GPHN: variants seen among roughly 807,000 people sequenced by gnomAD.
The protein encoded by GPHN is gephyrin.
A neutral mutation model predicts 95.5 loss-of-function variants in GPHN; 17 were observed. That is an observed-to-expected ratio of 0.18 (90% CI 0.12 to 0.27). The LOEUF (loss-of-function observed/expected upper bound fraction) is 0.27. GPHN is among the 10% of genes least tolerant of loss of function. The pLI is 1.00. For missense variants in GPHN, 660 were observed against 978.1 expected, an observed-to-expected ratio of 0.67 and a Z score of 4.34; for synonymous variants, 320 against 322.5, an observed-to-expected ratio of 0.99 and a Z score of 0.08.
At chr14:67,198,427 G>A in the GPHN span, 5 of 1,030,948 alleles carry the variant, frequency 4.8e-6, no homozygotes, top group Admixed American at 6.7e-5. Context: ...CCGAGGGAAT[G>A]TGTGATACTA....
At chr14:67,559,496 C>A in the GPHN span, 1 of 680,974 alleles carries the variant, frequency 1.5e-6, no homozygotes, top group Non-Finnish European at 2.7e-6. Context: ...TGCTCACTGG[C>A]TTTGCGAGGT....
At chr14:67,619,161 T>A in the GPHN span, among the ~76,000 whole-genome samples, 1 of 152,176 alleles carries the variant, frequency 6.6e-6, no homozygotes, top group Non-Finnish European at 1.5e-5. Context: ...AATGCTGAGA[T>A]TATTAAATTA....
intron 8 of GPHN, among the ~76,000 whole-genome samples, chr14:66,955,745 C>G (rs988135598): frequency 2.0e-5 from 3 of 152,108 alleles, no homozygotes; most frequent in African/African-American, 7.2e-5. Flanking sequence ...TGATGTTCCC[C>G]TTCCTGTGTC....
At chr14:67,204,371 C>G in the GPHN span, 5 of 590,120 alleles carry the variant, frequency 8.5e-6, no homozygotes, top group African/African-American at 1.0e-4. Context: ...CACAGGAAGT[C>G]GAGGCTGCAG....
At chr14:67,523,570 T>G in the GPHN span, among the ~76,000 whole-genome samples, 3 of 152,224 alleles carry the variant, frequency 2.0e-5, no homozygotes, top group African/African-American at 7.2e-5. Context: ...GGCTTTAGAT[T>G]CTACACCTCC....
chr14:67,480,923 A>G, the GPHN span, among the ~76,000 whole-genome samples: 1 of 152,164 alleles, frequency 6.6e-6, no homozygotes, highest in Non-Finnish European at 1.5e-5. Flanking sequence ...TCAGATCCCA[A>G]AACCCTTGGA....
intron 16 of GPHN, among the ~76,000 whole-genome samples, chr14:67,119,977 A>G (rs1289785775): frequency 6.6e-6 from 1 of 152,034 alleles, no homozygotes; most frequent in Non-Finnish European, 1.5e-5. Flanking sequence ...TAAAAATGCA[A>G]ACATTAGCCA....
chr14:66,778,281 C>T lies in GPHN; in HGVS notation c.201+1760C>T, dbSNP rs191740182. ...CCAACTTACAAGGGACATGAAGGACCTCTTCAAGGAGAACTACAAACCACT... is the reference window on the plus strand; with the variant it reads ...CCAACTTACAAGGGACATGAAGGACTTCTTCAAGGAGAACTACAAACCACT... On this transcript the variant is annotated intron_variant, in intron 3 of 22. Transcript: ENST00000478722. Among the ~76,000 whole-genome samples, 751 of 152,286 alleles carry T rather than the reference C, an allele frequency of 4.9e-3. 11 individuals carry two copies. The highest frequency in any genetic ancestry group is 0.018 in the African/African-American group (732 of 41,544).
chr14:66,570,347 C>G (rs1352413707), intron 1 of GPHN, among the ~76,000 whole-genome samples: 1 of 147,324 alleles, frequency 6.8e-6, no homozygotes, highest in Non-Finnish European at 1.5e-5. Context: ...TCTTTTTGCC[C>G]AGGCTTGAGT....
chr14:66,666,181 C>G (rs2065943326), intron 1 of GPHN, among the ~76,000 whole-genome samples: 1 of 151,904 alleles, frequency 6.6e-6, no homozygotes. Flanking sequence ...AGCACAGCAA[C>G]ATGGCACACG....
At chr14:67,326,406 C>T in the GPHN span, among the ~76,000 whole-genome samples, 5 of 151,578 alleles carry the variant, frequency 3.3e-5, no homozygotes, top group Non-Finnish European at 7.4e-5. Flanking sequence ...GGAAGTTGAT[C>T]AGTACCAAAA....
chr14:66,541,058 G>C (rs952535275), intron 1 of GPHN, among the ~76,000 whole-genome samples: 55 of 151,478 alleles, frequency 3.6e-4, no homozygotes, highest in African/African-American at 1.2e-3. Context: ...AGTGATTCTC[G>C]TGCCTCAGCC....
intron 20 of GPHN, 79 bp from the exon 21 acceptor site, chr14:67,168,854 C>A: frequency 1.1e-6 from 1 of 947,688 alleles, no homozygotes. Context: ...CATTCTGATA[C>A]CCAAAGATAT....
chr14:67,341,042 C>T, the GPHN span, among the ~76,000 whole-genome samples: 1 of 152,154 alleles, frequency 6.6e-6, no homozygotes, highest in South Asian at 2.1e-4. Context: ...ACCTCCCAGC[C>T]GCCTGCCTTG....
At chr14:67,421,993 C>T in the GPHN span, among the ~76,000 whole-genome samples, 1 of 152,114 alleles carries the variant, frequency 6.6e-6, no homozygotes, top group Non-Finnish European at 1.5e-5. Flanking sequence ...ATGAATGTTG[C>T]AATGTTTTGA....
the GPHN span, chr14:67,590,182 A>G: frequency 1.3e-6 from 2 of 1,547,922 alleles, no homozygotes; most frequent in Non-Finnish European, 1.7e-6. Flanking sequence ...TCTGAATTCC[A>G]AAGGGGAGAA....
the GPHN span, chr14:67,619,849 G>A: frequency 4.8e-6 from 3 of 628,730 alleles, no homozygotes; most frequent in Non-Finnish European, 7.9e-6. Context: ...CGGGGCCAAT[G>A]TGGCGGTGAC....
chr14:67,203,286 C>G, the GPHN span: 1 of 1,583,514 alleles, frequency 6.3e-7, no homozygotes, highest in Non-Finnish European at 8.6e-7. Flanking sequence ...GAAACTAGTG[C>G]TCACCAGGTG....
the GPHN span, chr14:67,619,981 T>C: frequency 6.3e-7 from 1 of 1,594,624 alleles, no homozygotes; most frequent in Middle Eastern, 1.7e-4. Flanking sequence ...GCGGATCATG[T>C]CCCTAAGGGG....
Sources: gnomAD v4.1 joint callset for allele counts (sites outside exome capture counted in the v4.1 genomes callset) on GRCh38, gnomAD v4.1.1 for gene constraint, MANE v1.5 for transcripts, NCBI Gene and HGNC (gene_info 2026-07-23, HGNC 2026-07-21) for gene names.